CAST: variants seen among roughly 807,000 people sequenced by gnomAD.
The protein encoded by CAST is calpastatin.
Under a neutral mutation model 119.6 loss-of-function variants are expected in CAST, and 76 were observed. That is an observed-to-expected ratio of 0.64 (90% CI 0.53 to 0.77). The LOEUF is 0.77. Among genes scored for constraint, CAST ranks in the 30% least tolerant of loss-of-function variants. CAST has a pLI of 0.00. For missense variants in CAST, 953 were observed against 946.5 expected, an observed-to-expected ratio of 1.01 and a Z score of -0.09; for synonymous variants, 319 against 331.6, an observed-to-expected ratio of 0.96 and a Z score of 0.41.
chr5:95,997,359 G>C, the CAST span, among the ~76,000 whole-genome samples: 1 of 152,046 alleles, frequency 6.6e-6, no homozygotes, highest in Non-Finnish European at 1.5e-5. Flanking sequence ...GGTGTCAGGG[G>C]CTTAAGTTTG....
At chr5:96,412,541 A>G in the CAST span, 7 of 1,513,370 alleles carry the variant, frequency 4.6e-6, no homozygotes, top group Non-Finnish European at 6.4e-6. Flanking sequence ...CAGTATGTAC[A>G]TGGACAAAAG....
At chr5:96,134,480 T>G in the CAST span, among the ~76,000 whole-genome samples, 3 of 152,230 alleles carry the variant, frequency 2.0e-5, no homozygotes, top group African/African-American at 7.2e-5. Flanking sequence ...CTACTGGGAT[T>G]CAGCTGCTCC....
the CAST span, among the ~76,000 whole-genome samples, chr5:96,504,515 C>T: frequency 0.047 from 6,881 of 146,074 alleles, 524 homozygotes; most frequent in African/African-American, 0.16. Context: ...ATCGTTTGTG[C>T]TTAGAATACT....
rs113315765 is a variant in CAST, at chr5:96,754,680, G to A, written c.1649G>A (p.Arg550His). 4.5e-4 allele frequency: 727 copies of A among 1,607,712 alleles called. 3 individuals carry two copies. In the African/African-American group the frequency reaches 7.8e-3, roughly 17 times the overall value. The stretch of plus-strand genomic sequence containing the variant: ...CAGGAGAAGGCCAAAGAAGAAGACC[G>A]TGAAAAGCTTGGTGAAAAAGAAGAA... ...KVKEKAKEED[R>H]EKLGEKEETI... is the part of the protein sequence containing the mutation. Residue 550 changes from arginine to histidine, a missense_variant, in exon 22 of 32, where the codon CGT becomes CAT. Arg to His is a conservative substitution (Grantham distance 29). Transcript: ENST00000675179.
At chr5:96,196,834 C>G in the CAST span, among the ~76,000 whole-genome samples, 1 of 152,186 alleles carries the variant, frequency 6.6e-6, no homozygotes, top group African/African-American at 2.4e-5. Context: ...AACTCAGGCT[C>G]TGTTTAGAGA....
At chr5:96,032,822 C>T in the CAST span, among the ~76,000 whole-genome samples, 3 of 151,894 alleles carry the variant, frequency 2.0e-5, no homozygotes, top group East Asian at 3.9e-4. Context: ...GAGGTCCTAG[C>T]CAGAGCAATT....
chr5:96,131,652 C>T, the CAST span, among the ~76,000 whole-genome samples: 1 of 152,056 alleles, frequency 6.6e-6, no homozygotes, highest in African/African-American at 2.4e-5. Context: ...AGAAAAAGCA[C>T]CAAGGTATTT....
At chr5:96,321,149 C>T in the CAST span, among the ~76,000 whole-genome samples, 1 of 152,190 alleles carries the variant, frequency 6.6e-6, no homozygotes, top group African/African-American at 2.4e-5. Context: ...AGCTCCACCT[C>T]GGCCCTAGTG....
the CAST span, among the ~76,000 whole-genome samples, chr5:96,195,731 G>C: frequency 1.3e-5 from 2 of 152,070 alleles, no homozygotes; most frequent in Admixed American, 1.3e-4. Context: ...AGTCATGACC[G>C]AATTATAAAA....
intron 3 of CAST, among the ~76,000 whole-genome samples, chr5:96,702,110 A>G (rs556644615): frequency 5.4e-4 from 82 of 152,036 alleles, no homozygotes; most frequent in African/African-American, 7.0e-4. Flanking sequence ...GACCAACACT[A>G]CCTCCTTCAC....
chr5:96,088,191 T>G, the CAST span, among the ~76,000 whole-genome samples: 1 of 152,190 alleles, frequency 6.6e-6, no homozygotes, highest in Admixed American at 6.5e-5. Flanking sequence ...TGTGTAATAT[T>G]TGTGCACACA....
chr5:96,732,910 T>A (rs1473508768), intron 9 of CAST, among the ~76,000 whole-genome samples: 1 of 152,190 alleles, frequency 6.6e-6, no homozygotes, highest in East Asian at 1.9e-4. Context: ...AAGATGGGAA[T>A]GAAAAATGTA....
At chr5:96,550,260 C>A (rs1174484447) in intron 1 of CAST, among the ~76,000 whole-genome samples, 2 of 152,218 alleles carry the variant, frequency 1.3e-5, no homozygotes, top group Admixed American at 1.3e-4. Context: ...GCTGGTGAAA[C>A]CCAGGCAAAC....
chr5:96,682,282 T>C (rs1259018317), intron 2 of CAST, among the ~76,000 whole-genome samples: 4 of 152,228 alleles, frequency 2.6e-5, no homozygotes, highest in Non-Finnish European at 5.9e-5. Flanking sequence ...CTAGGAGAGT[T>C]TCTGAAGTTT....
chr5:96,754,147 A>C lies in CAST; in HGVS notation c.1612A>C (p.Met538Leu). Residue 538 changes from methionine to leucine, a missense_variant, in exon 21 of 32, where the codon ATG (methionine) becomes CTG (leucine). Transcript: ENST00000675179. The stretch of plus-strand genomic sequence containing the variant: ...AGATCCAGAAGATGGAAAACCTGTG[A>C]TGGATAAAGTCAAGGTAATGGCAAC... ...EADPEDGKPV[M>L]DKVKEKAKEE... The C allele has an allele frequency of 1.2e-6, 2 of 1,607,358 alleles. No homozygotes were observed. Among genetic ancestry groups the C allele is most frequent in the South Asian group, 1.1e-5 (1 of 90,950 alleles).
the CAST span, among the ~76,000 whole-genome samples, chr5:96,031,296 T>A: frequency 1.3e-5 from 2 of 152,084 alleles, no homozygotes; most frequent in African/African-American, 4.8e-5. Flanking sequence ...TAAATTCCAT[T>A]TATCTTCTCT....
At chr5:96,188,486 T>C in the CAST span, among the ~76,000 whole-genome samples, 3 of 152,152 alleles carry the variant, frequency 2.0e-5, no homozygotes, top group African/African-American at 7.2e-5. Context: ...TATTATGTTA[T>C]TAATTTTAGT....
At chr5:96,286,747 A>C in the CAST span, among the ~76,000 whole-genome samples, 3 of 152,190 alleles carry the variant, frequency 2.0e-5, no homozygotes, top group African/African-American at 7.2e-5. Flanking sequence ...TTATGGTCTC[A>C]GCATGAGGGT....
At chr5:96,446,179 CAAA>C in the CAST span, among the ~76,000 whole-genome samples, 2 of 114,048 alleles carry the variant, frequency 1.8e-5, no homozygotes, top group African/African-American at 2.9e-5. Context: ...TTTTAGTGTA[CAAA>C]AAAAAAAAAA....
Sources: allele counts gnomAD v4.1 joint callset (sites outside exome capture counted in the v4.1 genomes callset), GRCh38; gene constraint gnomAD v4.1.1; transcripts MANE v1.5; gene names NCBI Gene and HGNC (gene_info 2026-07-23, HGNC 2026-07-21).